Variants in PRH1 observed in about 807,000 individuals in gnomAD.
PRH1 encodes the protein salivary acidic proline-rich phosphoprotein 1/2.
In PRH1, 7 loss-of-function variants were observed where a neutral mutation model predicts 7.9. The observed-to-expected ratio is 0.89, with a 90% CI of 0.50 to 1.67. The LOEUF is 1.67. PRH1 is among the 40% of genes most tolerant of loss of function. PRH1 has a pLI of 0.00. For missense variants in PRH1, 109 were observed against 223.6 expected, an observed-to-expected ratio of 0.49 and a Z score of 3.27; for synonymous variants, 45 against 80.8, an observed-to-expected ratio of 0.56 and a Z score of 2.38.
chr12:11,032,441 G>A (rs1364621206), intron 1 of PRH1, among the ~76,000 whole-genome samples: 1 of 152,092 alleles, frequency 6.6e-6, no homozygotes, highest in African/African-American at 2.4e-5. Context: ...CATAAGATCT[G>A]GTTGCTGCTA....
At chr12:10,973,515 T>C (rs1938932878) in intron 2 of PRH1, 1 of 553,918 alleles carries the variant, frequency 1.8e-6, no homozygotes, top group Admixed American at 3.2e-5. Context: ...ACAATAACAA[T>C]ACCCTCCTTG....
intron 1 of PRH1, among the ~76,000 whole-genome samples, chr12:11,052,816 T>C (rs1943201238): frequency 6.6e-6 from 1 of 152,180 alleles, no homozygotes; most frequent in Non-Finnish European, 1.5e-5. Context: ...ATTGTTTTAG[T>C]GTTCAGAATA....
chr12:11,049,333 A>G (rs541910105), upstream of PRH1: 2 of 318,710 alleles, frequency 6.3e-6, no homozygotes, highest in Non-Finnish European at 1.1e-5. Flanking sequence ...CCAGACCTTA[A>G]TGTCGATAAA....
intron 1 of PRH1, among the ~76,000 whole-genome samples, chr12:11,125,889 ATTAAT>A (rs1418921555): frequency 6.8e-6 from 1 of 146,780 alleles, no homozygotes; most frequent in African/African-American, 2.5e-5. Flanking sequence ...CCTTTTTAAA[ATTAAT>A]TTAAAGTTTA....
chr12:10,938,801 AC>A, intron 2 of PRH1: 1 of 1,613,436 alleles, frequency 6.2e-7, no homozygotes. Context: ...GACCGAAGTC[AC>A]AAGAAGCAGC....
At chr12:11,094,665 A>G (rs1945034390) in intron 1 of PRH1, among the ~76,000 whole-genome samples, 1 of 116,152 alleles carries the variant, frequency 8.6e-6, no homozygotes, top group South Asian at 2.3e-4. Flanking sequence ...CAAATATTTG[A>G]TATTTCCCTT....
intron 1 of PRH1, among the ~76,000 whole-genome samples, chr12:11,146,840 T>C (rs749991937): frequency 6.6e-6 from 1 of 152,188 alleles, no homozygotes; most frequent in Non-Finnish European, 1.5e-5. Context: ...TTTCTAATGA[T>C]AATCTTATTA....
intron 1 of PRH1, among the ~76,000 whole-genome samples, chr12:11,042,863 T>C (rs1942765911): frequency 6.6e-6 from 1 of 151,944 alleles, no homozygotes; most frequent in East Asian, 1.9e-4. Context: ...TCTCCTGACC[T>C]CGTGATCCAC....
At chr12:11,116,133 A>G (rs531175508), downstream of PRH1, among the ~76,000 whole-genome samples, 11 of 152,202 alleles carry the variant, frequency 7.2e-5, no homozygotes, top group East Asian at 1.9e-3. Context: ...AAGTTAAACA[A>G]CATTGACAAA....
At chr12:10,905,651 G>T (rs1464837230) in intron 2 of PRH1, among the ~76,000 whole-genome samples, 1 of 144,984 alleles carries the variant, frequency 6.9e-6, no homozygotes, top group African/African-American at 2.5e-5. Flanking sequence ...GAGAAACAGA[G>T]TAAGATTCTG....
chr12:11,170,404 G>A (rs1261431952), intron 1 of PRH1, among the ~76,000 whole-genome samples: 5 of 152,196 alleles, frequency 3.3e-5, no homozygotes, highest in Non-Finnish European at 5.9e-5. Context: ...AAAATTAGCC[G>A]GGCATGGTGG....
At chr12:11,050,760 C>A (rs2136149027), upstream of PRH1, among the ~76,000 whole-genome samples, 1 of 152,416 alleles carries the variant, frequency 6.6e-6, no homozygotes, top group Non-Finnish European at 1.5e-5. Context: ...ACTCTGAATT[C>A]ACTCATGTAA....
rs182587705 is a variant in PRH1 at position 11,041,227 on chromosome 12, T to C, written c.-126+5793A>G. On this transcript the variant is annotated intron_variant, in intron 1 of 3. Transcript: ENST00000539853. ...GCCTCTAAGAAACACACTTTGCCTA[T>C]AAAGACATGCACAGAGAGAAAATAA... Among the ~76,000 whole-genome samples the C allele has an allele frequency of 8.9e-5, 9 of 101,616 alleles. No individual in the cohort carries two copies. In the Admixed American group the frequency reaches 1.1e-3, roughly 13 times the overall value. 66.7% of individuals were successfully genotyped at this position (101,616 alleles called of 152,430 possible).
chr12:10,990,789 T>C (rs1392295517), intron 1 of PRH1, among the ~76,000 whole-genome samples: 1 of 152,198 alleles, frequency 6.6e-6, no homozygotes, highest in Non-Finnish European at 1.5e-5. Flanking sequence ...GGATTCTGTA[T>C]GTTTTTGAGG....
In PRH1 at chr12:10,979,260, TA is replaced by T. The variant is rs573536886; in HGVS notation, c.-125-5540del. Among the ~76,000 whole-genome samples the T allele has an allele frequency of 6.6e-5, 10 of 152,158 alleles. No homozygotes were observed. The East Asian group carries it at 1.7e-3, about 26-fold the overall frequency. On this transcript the variant is annotated intron_variant, in intron 1 of 3. Coordinates refer to the PRH1 transcript ENST00000539853. ...ATACCTCTGAACCTAAAATAAAATCTAAAAAAAATTTAAAACTGCAGAGAGA... is the reference window on the plus strand; with the variant it reads ...ATACCTCTGAACCTAAAATAAAATCTAAAAAAATTTAAAACTGCAGAGAGA...
At chr12:10,911,271 A>C (rs1949895642) in intron 2 of PRH1, among the ~76,000 whole-genome samples, 1 of 152,212 alleles carries the variant, frequency 6.6e-6, no homozygotes, top group East Asian at 1.9e-4. Context: ...GTATATGAAA[A>C]AATACCACAG....
intron 1 of PRH1, among the ~76,000 whole-genome samples, chr12:11,032,063 A>G (rs1360429556): frequency 6.6e-6 from 1 of 152,230 alleles, no homozygotes; most frequent in African/African-American, 2.4e-5. Flanking sequence ...AAACAACTCA[A>G]ATTAACTCAT....
chr12:11,109,627 T>G (rs994043604), intron 1 of PRH1, among the ~76,000 whole-genome samples: 2 of 151,552 alleles, frequency 1.3e-5, no homozygotes, highest in African/African-American at 4.9e-5. Flanking sequence ...AGCATCAACA[T>G]CAACAAAAAG....
chr12:10,938,357 T>C (rs965258159), intron 2 of PRH1: 7 of 1,613,888 alleles, frequency 4.3e-6, no homozygotes, highest in Non-Finnish European at 5.9e-6. Context: ...CAGCTTCTTG[T>C]TTCCAAGAAT....
Sources: gnomAD v4.1 joint callset for allele counts (sites outside exome capture counted in the v4.1 genomes callset) on GRCh38, gnomAD v4.1.1 for gene constraint, MANE v1.5 for transcripts, NCBI Gene and HGNC (gene_info 2026-07-23, HGNC 2026-07-21) for gene names.